The following PCNX1 variants were observed in gnomAD, a reference collection of about 807,000 sequenced individuals.
The protein encoded by PCNX1 is pecanex 1.
In PCNX1, 78 loss-of-function variants were observed where a neutral mutation model predicts 242.2. The ratio of observed to expected loss-of-function variants is 0.32; its 90% CI spans 0.27 to 0.39. The LOEUF is 0.39. PCNX1 is among the 10% of genes least tolerant of loss of function. PCNX1 has a pLI of 1.00. For missense variants in PCNX1, 2,581 were observed against 2,856.5 expected (o/e 0.90, Z 2.20); for synonymous variants, 1,024 against 1,032.9 (o/e 0.99, Z 0.17).
At chr14:71,097,919 C>T (rs1356821475) in intron 30 of PCNX1, among the ~76,000 whole-genome samples, 1 of 152,186 alleles carries the variant, frequency 6.6e-6, no homozygotes, top group South Asian at 2.1e-4. Flanking sequence ...TAAGGTCTTA[C>T]ATTTAAATCT....
At position 71,019,105 on chromosome 14, in the gene PCNX1, T is replaced by C; in HGVS notation, c.3093T>C (p.Asp1031=). 1 of 1,613,502 alleles carries C rather than the reference T, an allele frequency of 6.2e-7. No homozygotes were observed. The highest frequency in any genetic ancestry group is 8.5e-7 in the Non-Finnish European group (1 of 1,179,628). Residue 1031 remains aspartate (D), a synonymous_variant, in exon 12 of 36, where the codon GAT becomes GAC. Coordinates refer to ENST00000304743, the MANE Select transcript of PCNX1 (RefSeq NM_014982.3). Reference sequence around the variant, plus strand: ...TTCTCATACAAGGATTCTTCAGAGATATCTGGGTCTTCCAGTTCTGCCTCG... The same window carrying C: ...TTCTCATACAAGGATTCTTCAGAGACATCTGGGTCTTCCAGTTCTGCCTCG... The part of the protein sequence containing the change: ...SILLIQGFFR[D]IWVFQFCLVI...
rs2062776703 is a variant in PCNX1 at position 71,112,693 on chromosome 14, G to C, written c.*2758G>C. 1 of 151,992 alleles carries C rather than the reference G, an allele frequency of 6.6e-6. No homozygotes were observed. The highest frequency in any genetic ancestry group is 1.5e-5 in the Non-Finnish European group (1 of 67,960). The allele number at this position is 151,992 out of a possible 1,614,324, so 9.4% of individuals were successfully genotyped here. A position where few individuals can be genotyped will look rare whatever the true frequency, so the allele number is the denominator to read the frequency against. On this transcript the variant is annotated 3_prime_UTR_variant, in exon 36 of 36. Coordinates refer to ENST00000304743, the MANE Select transcript of PCNX1 (RefSeq NM_014982.3). ...TCTGCTTTTTTTCAGTTATGTACAA[G>C]ACTTCAGCATACATTAATGTCTTTA...
chr14:71,047,764 T>C (rs1434311928), intron 21 of PCNX1, 43 bp from the exon 22 acceptor site: 13 of 1,492,194 alleles, frequency 8.7e-6, no homozygotes, highest in Non-Finnish European at 1.2e-5. Flanking sequence ...TCTCTTCTAA[T>C]GTTTTCAGTC....
chr14:71,055,424 C>A, intron 24 of PCNX1, 80 bp from the exon 25 acceptor site: 1 of 794,200 alleles, frequency 1.3e-6, no homozygotes, highest in Non-Finnish European at 2.1e-6. Context: ...TATACATTTC[C>A]TATAGTTTCT....
chr14:71,035,969 A>G, intron 18 of PCNX1, 96 bp from the exon 19 acceptor site: 1 of 817,422 alleles, frequency 1.2e-6, no homozygotes, highest in Non-Finnish European at 2.0e-6. Context: ...TAGCCAGGCA[A>G]AAAATTAATT....
Position 71,026,824 on chromosome 14 carries a change from G to A in PCNX1, c.3408G>A (p.Val1136=). 1.3e-6 allele frequency: 2 copies of A among 1,586,200 alleles called. No homozygotes were observed. The highest frequency in any genetic ancestry group is 1.7e-6 in the Non-Finnish European group (2 of 1,155,902). Residue 1136 remains valine (V), a synonymous_variant, in exon 15 of 36, where the codon GTG becomes GTA. Coordinates refer to ENST00000304743, the MANE Select transcript of PCNX1 (RefSeq NM_014982.3). ...IVFFIGLLPQ[V]NTFVMYLCEQ... is the part of the protein sequence containing the mutation. ...TTTTCATTGGTCTCCTGCCTCAGGT[G>A]AATACATTTGTAATGTACCTTTGTG...
At chr14:71,024,136 A>G (rs548146325) in intron 13 of PCNX1, among the ~76,000 whole-genome samples, 1 of 152,274 alleles carries the variant, frequency 6.6e-6, no homozygotes, top group Admixed American at 6.5e-5. Context: ...TTTCTAGCAC[A>G]TGATCATTTT....
intron 6 of PCNX1, among the ~76,000 whole-genome samples, chr14:70,979,327 T>A (rs1220445020): frequency 6.6e-6 from 1 of 152,200 alleles, no homozygotes; most frequent in East Asian, 1.9e-4. Context: ...GATGGTGTTC[T>A]GGTTAAAGTA....
rs1164064631 is a variant in PCNX1, at chr14:70,938,920, CGT to C, written c.154-7992_154-7991del. On this transcript the variant is annotated intron_variant, in intron 1 of 35. Coordinates refer to ENST00000304743, the MANE Select transcript of PCNX1 (RefSeq NM_014982.3). ...AGATTCTCTAGCTTATTTGCGTAGA[CGT>C]GTTTATGGTATTCTCTGATGGTAGT... 2.0e-5 allele frequency among the ~76,000 whole-genome samples: 3 copies of C among 152,198 alleles called. No homozygotes were observed. In the East Asian group the frequency reaches 5.8e-4, roughly 29 times the overall value.
chr14:71,079,803 T>G (rs1186990518), intron 28 of PCNX1, among the ~76,000 whole-genome samples: 3 of 152,198 alleles, frequency 2.0e-5, no homozygotes, highest in Admixed American at 1.3e-4. Context: ...TGCAGAAATT[T>G]TCTCCCATTC....
At position 71,026,776 on chromosome 14, in the gene PCNX1, T is replaced by A. The variant is rs1190855488; in HGVS notation, c.3360T>A (p.Phe1120Leu). The A allele has an allele frequency of 7.2e-7, 1 of 1,397,192 alleles. No homozygotes were observed. The highest frequency in any genetic ancestry group is 1.4e-5 in the African/African-American group (1 of 70,856). 86.5% of individuals were successfully genotyped at this position (1,397,192 alleles called of 1,614,324 possible). A position where few individuals can be genotyped will look rare whatever the true frequency, so the allele number is the denominator to read the frequency against. ...FISARDLVIV[F>L]TLCFPIVFFI... ...TACTTTTCTTTCTTTTTATAGTGTTTACACTCTGTTTCCCAATAGTGTTTT... is the reference window on the plus strand; with the variant it reads ...TACTTTTCTTTCTTTTTATAGTGTTAACACTCTGTTTCCCAATAGTGTTTT... Residue 1120 changes from phenylalanine (F) to leucine (L), a missense_variant, in exon 15 of 36, where the codon TTT becomes TTA. Coordinates refer to ENST00000304743, the MANE Select transcript of PCNX1 (RefSeq NM_014982.3).
intron 27 of PCNX1, among the ~76,000 whole-genome samples, chr14:71,075,288 G>A (rs1337698557): frequency 1.3e-5 from 2 of 152,036 alleles, no homozygotes; most frequent in Non-Finnish European, 2.9e-5. Flanking sequence ...GCCATCCCCA[G>A]CCTGAAATTT....
chr14:71,035,557 C>T (rs1047292904), intron 18 of PCNX1, among the ~76,000 whole-genome samples: 10 of 150,526 alleles, frequency 6.6e-5, no homozygotes, highest in South Asian at 2.1e-4. Context: ...GTCAGGAGTT[C>T]GAGATCAGCC....
Position 70,907,680 on chromosome 14 carries a change from T to A in PCNX1, c.-171T>A. Reference sequence around the variant, plus strand: ...GGTCTCCTCCTCCTCGTTTGCTGCCTCCTCCTCCTCCTGCAGCAGCACCAG... The same window carrying A: ...GGTCTCCTCCTCCTCGTTTGCTGCCACCTCCTCCTCCTGCAGCAGCACCAG... On this transcript the variant is annotated 5_prime_UTR_variant, in exon 1 of 36. Coordinates refer to ENST00000304743, the MANE Select transcript of PCNX1 (RefSeq NM_014982.3). 1 of 678,016 alleles carries A rather than the reference T, an allele frequency of 1.5e-6. No homozygotes were observed. The highest frequency in any genetic ancestry group is 1.9e-6 in the Non-Finnish European group (1 of 515,700). The allele number at this position is 678,016 out of a possible 1,614,324, so 42.0% of individuals were successfully genotyped here. A position where few individuals can be genotyped will look rare whatever the true frequency, so the allele number is the denominator to read the frequency against.
chr14:70,968,994 C>A (rs778354162), intron 4 of PCNX1, 27 bp from the exon 5 acceptor site: 2 of 1,298,610 alleles, frequency 1.5e-6, no homozygotes, highest in Non-Finnish European at 2.2e-6. Context: ...AATATAAGGT[C>A]CTCACATGTT....
At chr14:71,069,125 T>G (rs558872196) in intron 26 of PCNX1, among the ~76,000 whole-genome samples, 44 of 152,220 alleles carry the variant, frequency 2.9e-4, no homozygotes, top group African/African-American at 9.4e-4. Flanking sequence ...GGGAAACACC[T>G]TATAAAACCA....
intron 2 of PCNX1, among the ~76,000 whole-genome samples, chr14:70,956,654 C>T (rs2058006375): frequency 6.6e-6 from 1 of 152,062 alleles, no homozygotes; most frequent in Admixed American, 6.6e-5. Flanking sequence ...TTAGGCCATG[C>T]TGGTTATGAG....
rs114706194 is a variant in PCNX1 at position 70,996,353 on chromosome 14, T to C, written c.2629+428T>C. 8.9e-3 allele frequency among the ~76,000 whole-genome samples: 1,355 copies of C among 152,280 alleles called. 9 individuals are homozygous for C. The highest frequency in any genetic ancestry group is 0.017 in the South Asian group (82 of 4,832). Reference sequence around the variant, plus strand: ...CACTATAGAATCTTTCTTTAAGATATTCTATATTTCACACTATGTTCGTCA... The same window carrying C: ...CACTATAGAATCTTTCTTTAAGATACTCTATATTTCACACTATGTTCGTCA... On this transcript the variant is annotated intron_variant, in intron 8 of 35. Transcript: ENST00000304743.
At chr14:71,104,706 G>T (rs746365675) in intron 32 of PCNX1, among the ~76,000 whole-genome samples, 36 of 152,176 alleles carry the variant, frequency 2.4e-4, no homozygotes, top group Non-Finnish European at 4.9e-4. Flanking sequence ...GAGGTGGGCA[G>T]ATCATAAGGT....
Sources: allele counts gnomAD v4.1 joint callset (sites outside exome capture counted in the v4.1 genomes callset), GRCh38; gene constraint gnomAD v4.1.1; transcripts MANE v1.5; gene names NCBI Gene and HGNC (gene_info 2026-07-23, HGNC 2026-07-21).